HLA-DMB: variants seen among roughly 807,000 people sequenced by gnomAD.
HLA-DMB encodes HLA class II histocompatibility antigen, DM beta chain.
A neutral mutation model predicts 29.3 loss-of-function variants in HLA-DMB; 18 were observed. The ratio of observed to expected loss-of-function variants is 0.62; its 90% confidence interval spans 0.43 to 0.91. The LOEUF (loss-of-function observed/expected upper bound fraction) is 0.91, where lower values mean the gene tolerates loss of function less well. Ranked by LOEUF, HLA-DMB falls within the 40% of genes least tolerant of loss-of-function variation. HLA-DMB has a pLI of 0.00. For synonymous variants in HLA-DMB, 143 were observed against 128.7 expected, an observed-to-expected ratio of 1.11 and a Z score of -0.75; for missense variants, 258 against 320.9, an observed-to-expected ratio of 0.80 and a Z score of 1.50.
Position 32,937,647 on chromosome 6 carries a change from T to C in HLA-DMB, c.338-191A>G. On this transcript the variant is annotated intron_variant, in intron 2 of 5. Coordinates refer to ENST00000418107, the MANE Select transcript of HLA-DMB (RefSeq NM_002118.5). The surrounding 1 kb of genome is among the most constrained non-coding windows in gnomAD (Gnocchi z 4.1). ...CTGCATTACTCTTTCTTCTCTCCCA[T>C]TCCTTCATTGCCCCTTTCTTTCTTT... 1 of 579,832 alleles carries C rather than the reference T, an allele frequency of 1.7e-6. No individual in the cohort carries two copies. The highest frequency in any genetic ancestry group is 3.0e-6 in the Non-Finnish European group (1 of 328,250). The allele number at this position is 579,832 out of a possible 1,614,324, so 35.9% of individuals were successfully genotyped here. A position where few individuals can be genotyped will look rare whatever the true frequency, so the allele number is the denominator to read the frequency against.
At position 32,937,414 on chromosome 6, in the gene HLA-DMB, G is replaced by T; in HGVS notation, c.380C>A (p.Thr127Lys). The change falls in exon 3 of 6, where the codon ACG becomes AAG. Residue 127 changes from threonine (T) to lysine (K), a missense_variant. Transcript: ENST00000418107. The surrounding 1 kb of genome is among the most constrained non-coding windows in gnomAD (Gnocchi z 4.1). ...GCAGGCCAGCATCACAGGCTCCCTC[G>T]TGTTAAAAGGAGTGGTTTTGGCTAC... ...VQVAKTTPFNTREPVMLACYV... is the reference protein window; with the variant it reads ...VQVAKTTPFNKREPVMLACYV... 1.2e-6 allele frequency: 2 copies of T among 1,614,126 alleles called. No homozygotes were observed. Among genetic ancestry groups the T allele is most frequent in the Non-Finnish European group, 8.5e-7 (1 of 1,179,990 alleles).
rs967502205 is a variant in HLA-DMB at position 32,934,864 on chromosome 6, T to C, written c.*107A>G. 9 of 1,161,810 alleles carry C rather than the reference T, an allele frequency of 7.7e-6. No homozygotes were observed. The highest frequency in any genetic ancestry group is 3.6e-5 in the Admixed American group (2 of 54,952). The allele number at this position is 1,161,810 out of a possible 1,614,324, so 72.0% of individuals were successfully genotyped here. ...TTCAAAGAATTGGATGGAGAAACCATAGGATCCAAGATAATGTCAGGGGGT... is the reference window on the plus strand; with the variant it reads ...TTCAAAGAATTGGATGGAGAAACCACAGGATCCAAGATAATGTCAGGGGGT... On this transcript the variant is annotated 3_prime_UTR_variant, in exon 6 of 6. Transcript: ENST00000418107.
At chr6:32,939,081 G>C (rs778379800) in intron 1 of HLA-DMB, 116 bp from the exon 2 acceptor site, 20 of 672,824 alleles carry the variant, frequency 3.0e-5, no homozygotes, top group Admixed American at 4.4e-5. Flanking sequence ...ACATACAGAC[G>C]TATATTTAGG....
In HLA-DMB at chr6:32,935,000, T is replaced by C. The variant is rs752650005; in HGVS notation, c.776-13A>G. ...GAAATGTGCCATCCTACAGAATAAA[T>C]AAAAGGGAGATAATGAGGCTTCAAC... is the stretch of plus-strand genomic sequence containing the variant. On this transcript the variant is annotated splice_polypyrimidine_tract_variant and intron_variant, in intron 5 of 5. Coordinates refer to ENST00000418107, the MANE Select transcript of HLA-DMB (RefSeq NM_002118.5). The C allele has an allele frequency of 6.2e-7, 1 of 1,612,624 alleles. No individual in the cohort carries two copies. The highest frequency in any genetic ancestry group is 1.7e-5 in the Admixed American group (1 of 59,986).
At chr6:32,936,164 C>G (rs966466854) in intron 3 of HLA-DMB, 2 of 158,656 alleles carry the variant, frequency 1.3e-5, no homozygotes, top group African/African-American at 4.8e-5. Context: ...GAGCTTGTCT[C>G]CATCCCACTC....
In HLA-DMB at chr6:32,937,282, T is replaced by C. The variant is rs771062113; in HGVS notation, c.512A>G (p.Asp171Gly). The C allele has an allele frequency of 6.2e-7, 1 of 1,614,086 alleles. No individual in the cohort carries two copies. The highest frequency in any genetic ancestry group is 1.1e-5 in the South Asian group (1 of 91,088). ...SAHKTAQPNGDWTYQTLSHLA... is the reference protein window; with the variant it reads ...SAHKTAQPNGGWTYQTLSHLA... ...ATGGGAGAGGGTCTGGTATGTCCAGTCTCCATTGGGCTGGGCAGTCTTGTG... is the reference window on the plus strand; with the variant it reads ...ATGGGAGAGGGTCTGGTATGTCCAGCCTCCATTGGGCTGGGCAGTCTTGTG... Residue 171 changes from aspartate to glycine, a missense_variant, in exon 3 of 6, where the codon GAC becomes GGC. Coordinates refer to ENST00000418107, the MANE Select transcript of HLA-DMB (RefSeq NM_002118.5). The surrounding 1 kb of genome is among the most constrained non-coding windows in gnomAD (Gnocchi z 4.1).
rs772240569 is a variant in HLA-DMB at position 32,937,406 on chromosome 6, G to C, written c.388C>G (p.Pro130Ala). Residue 130 changes from proline (P) to alanine (A), a missense_variant, in exon 3 of 6, where the codon CCT becomes GCT. By Grantham distance (27) the Pro-to-Ala change is conservative (BLOSUM62 -1). Coordinates refer to ENST00000418107, the MANE Select transcript of HLA-DMB (RefSeq NM_002118.5). This position sits in a 1 kb window ranked among gnomAD's most constrained non-coding sequence, Gnocchi z 4.1. ...CACACATAGCAGGCCAGCATCACAG[G>C]CTCCCTCGTGTTAAAAGGAGTGGTT... ...AKTTPFNTRE[P>A]VMLACYVWGF... is the part of the protein sequence containing the mutation. The C allele has an allele frequency of 5.0e-6, 8 of 1,614,046 alleles. No individual in the cohort carries two copies. Among genetic ancestry groups the C allele is most frequent in the Middle Eastern group, 1.6e-4 (1 of 6,082 alleles).
rs539058889 is a variant in HLA-DMB, at chr6:32,940,909, T to A, written c.-102A>T. On this transcript the variant is annotated 5_prime_UTR_variant, in exon 1 of 6. Coordinates refer to ENST00000418107, the MANE Select transcript of HLA-DMB (RefSeq NM_002118.5). ...CAGAAGCCCCAGCCTGGGTAGATGATCTCCAGACACTGAGCAGAATACTAT... is the reference window on the plus strand; with the variant it reads ...CAGAAGCCCCAGCCTGGGTAGATGAACTCCAGACACTGAGCAGAATACTAT... The A allele has an allele frequency of 8.4e-5, 72 of 854,988 alleles. 1 individual carries two copies. In the South Asian group the frequency reaches 8.7e-4, roughly 10 times the overall value. 53.0% of individuals were successfully genotyped at this position (854,988 alleles called of 1,614,324 possible).
intron 1 of HLA-DMB, 102 bp downstream of exon 1, chr6:32,940,651 G>A (rs759725122): frequency 4.4e-5 from 34 of 769,744 alleles, no homozygotes; most frequent in Non-Finnish European, 6.8e-5. Context: ...GTATACCAGG[G>A]AGACAAACTA....
chr6:32,934,874 G>C lies in HLA-DMB; in HGVS notation c.*97C>G, dbSNP rs1179955562. On this transcript the variant is annotated 3_prime_UTR_variant, in exon 6 of 6. Coordinates refer to ENST00000418107, the MANE Select transcript of HLA-DMB (RefSeq NM_002118.5). The stretch of plus-strand genomic sequence containing the variant: ...TGGATGGAGAAACCATAGGATCCAA[G>C]ATAATGTCAGGGGGTTGAAGATGTT... 8.1e-7 allele frequency: 1 copy of C among 1,228,318 alleles called. No homozygotes were observed. Among genetic ancestry groups the C allele is most frequent in the Non-Finnish European group, 1.2e-6 (1 of 834,308 alleles). 76.1% of individuals were successfully genotyped at this position (1,228,318 alleles called of 1,614,324 possible). A position where few individuals can be genotyped will look rare whatever the true frequency, so the allele number is the denominator to read the frequency against.
In HLA-DMB at chr6:32,937,213, A is replaced by G. The variant is rs530780376; in HGVS notation, c.581T>C (p.Val194Ala). The G allele has an allele frequency of 6.2e-7, 1 of 1,611,110 alleles. No individual in the cohort carries two copies. Among genetic ancestry groups the G allele is most frequent in the East Asian group, 2.2e-5 (1 of 44,770 alleles). ...PSYGDTYTCV[V>A]EHTGAPEPIL... ...GGGCTCAGGAGCCCCAGTGTGCTCTACCACACAGGTGTAAGTGTCCCCGTA... is the reference window on the plus strand; with the variant it reads ...GGGCTCAGGAGCCCCAGTGTGCTCTGCCACACAGGTGTAAGTGTCCCCGTA... The change falls in exon 3 of 6, where the codon GTA (valine) becomes GCA (alanine). Residue 194 changes from valine (V) to alanine (A), a missense_variant. By Grantham distance (64) the Val-to-Ala change is moderately conservative. Transcript: ENST00000418107. This position sits in a 1 kb window ranked among gnomAD's most constrained non-coding sequence, Gnocchi z 4.1.
In HLA-DMB at chr6:32,935,546, A is replaced by G. The variant is rs1242044415; in HGVS notation, c.729T>C (p.Ala243=). The G allele has an allele frequency of 6.2e-7, 1 of 1,612,390 alleles. No individual in the cohort carries two copies. Among genetic ancestry groups the G allele is most frequent in the Non-Finnish European group, 8.5e-7 (1 of 1,179,394 alleles). ...CAGCGAGTCACTCACTAGAGTGGCC[A>G]GCTCTCCGCCAGCTGATCACACCAA... is the stretch of plus-strand genomic sequence containing the variant. ...FSLGVISWRR[A]GHSSYTPLPG... The change falls in exon 4 of 6, where the codon GCT becomes GCC. Residue 243 remains alanine (A), a synonymous_variant. Coordinates refer to ENST00000418107, the MANE Select transcript of HLA-DMB (RefSeq NM_002118.5).
In HLA-DMB at chr6:32,937,397, G is replaced by A. The variant is rs1197649942; in HGVS notation, c.397C>T (p.Leu133=). 1 of 1,614,186 alleles carries A rather than the reference G, an allele frequency of 6.2e-7. No individual in the cohort carries two copies. ...TPFNTREPVM[L]ACYVWGFYPA... is the part of the protein sequence containing the mutation. ...TAGAAGCCCCACACATAGCAGGCCA[G>A]CATCACAGGCTCCCTCGTGTTAAAA... The change falls in exon 3 of 6, where the codon CTG becomes TTG. Residue 133 remains leucine, a synonymous_variant. Coordinates refer to ENST00000418107, the MANE Select transcript of HLA-DMB (RefSeq NM_002118.5). The surrounding 1 kb of genome is among the most constrained non-coding windows in gnomAD (Gnocchi z 4.1).
At position 32,934,887 on chromosome 6, in the gene HLA-DMB, G is replaced by A; in HGVS notation, c.*84C>T. ...CATAGGATCCAAGATAATGTCAGGG[G>A]GTTGAAGATGTTGGAGAGGCATGGT... is the stretch of plus-strand genomic sequence containing the variant. On this transcript the variant is annotated 3_prime_UTR_variant, in exon 6 of 6. Coordinates refer to ENST00000418107, the MANE Select transcript of HLA-DMB (RefSeq NM_002118.5). 1 of 1,262,756 alleles carries A rather than the reference G, an allele frequency of 7.9e-7. No individual in the cohort carries two copies. Among genetic ancestry groups the A allele is most frequent in the South Asian group, 1.2e-5 (1 of 83,280 alleles). 78.2% of individuals were successfully genotyped at this position (1,262,756 alleles called of 1,614,324 possible).
In HLA-DMB at chr6:32,937,152, TC is replaced by T. The variant is rs1233153353; in HGVS notation, c.622+19del. 1.3e-6 allele frequency: 2 copies of T among 1,549,316 alleles called. No individual in the cohort carries two copies. Among genetic ancestry groups the T allele is most frequent in the Non-Finnish European group, 1.7e-6 (2 of 1,143,394 alleles). On this transcript the variant is annotated intron_variant, in intron 3 of 5. Transcript: ENST00000418107. This position sits in a 1 kb window ranked among gnomAD's most constrained non-coding sequence, Gnocchi z 4.1. ...TTTCTCTGCTTTGACCCTAATTCCA[TC>T]CATCTGCCATACACTTACTCCAGTC... is the stretch of plus-strand genomic sequence containing the variant.
rs552235689 is a variant in HLA-DMB, at chr6:32,938,917, C to G, written c.104G>C (p.Gly35Ala). 5.0e-6 allele frequency: 8 copies of G among 1,604,294 alleles called. No individual in the cohort carries two copies. In the East Asian group the frequency reaches 1.8e-4, roughly 37 times the overall value. The change falls in exon 2 of 6, where the codon GGG becomes GCG. Residue 35 changes from glycine (G) to alanine (A), a missense_variant. Transcript: ENST00000418107. ...GCAGTATGTGAAATCCTTTGGAGTC[C>G]CAGCATCATCCAACAGACAGGTGCT... is the stretch of plus-strand genomic sequence containing the variant. ...VESTCLLDDA[G>A]TPKDFTYCIS... is the part of the protein sequence containing the mutation.
intron 1 of HLA-DMB, among the ~76,000 whole-genome samples, chr6:32,939,665 A>G (rs1776231541): frequency 6.6e-6 from 1 of 152,198 alleles, no homozygotes; most frequent in South Asian, 2.1e-4. Context: ...TGAGATGATG[A>G]TCTGATCTGA....
chr6:32,935,680 C>T (rs764560948), intron 3 of HLA-DMB, 28 bp from the exon 4 acceptor site: 1 of 1,541,512 alleles, frequency 6.5e-7, no homozygotes, highest in South Asian at 1.1e-5. Context: ...TTACTTGACC[C>T]AGTTTCTGTT....
At position 32,934,642 on chromosome 6, in the gene HLA-DMB, C is replaced by A; in HGVS notation, c.*329G>T. ...AAGACATGGAAAAACAATATTTCCA[C>A]CAAAGTTTATTTCTCTGAAACAATC... On this transcript the variant is annotated 3_prime_UTR_variant, in exon 6 of 6. Transcript: ENST00000418107. The A allele has an allele frequency of 3.0e-6, 1 of 329,366 alleles. No homozygotes were observed. 20.4% of individuals were successfully genotyped at this position (329,366 alleles called of 1,614,324 possible). A position where few individuals can be genotyped will look rare whatever the true frequency, so the allele number is the denominator to read the frequency against.
Sources: allele counts gnomAD v4.1 joint callset (sites outside exome capture counted in the v4.1 genomes callset), GRCh38; gene constraint gnomAD v4.1.1; non-coding constraint Gnocchi (gnomAD v3.1); transcripts MANE v1.5; gene names NCBI Gene and HGNC (gene_info 2026-07-23, HGNC 2026-07-21).